CCDC71: variants seen among roughly 807,000 people sequenced by gnomAD.
CCDC71 encodes coiled-coil domain containing 71.
For missense variants in CCDC71, 594 were observed against 604.0 expected, an observed-to-expected ratio of 0.98 and a Z score of 0.17; for synonymous variants, 257 against 242.2, an observed-to-expected ratio of 1.06 and a Z score of -0.57.
Position 49,163,363 on chromosome 3 carries a change from C to T in CCDC71, c.846G>A (p.Gln282=). 1 of 1,614,028 alleles carries T rather than the reference C, an allele frequency of 6.2e-7. No homozygotes were observed. The change falls in exon 2 of 2, where the codon CAG becomes CAA. Residue 282 remains glutamine, a synonymous_variant. Coordinates refer to ENST00000321895, the MANE Select transcript of CCDC71 (RefSeq NM_022903.4). ...TGGCCAGTGTTCGAGCTACCTTGGCCTGGGCTGTTTTGGTGCCCAGGGCAG... is the reference window on the plus strand; with the variant it reads ...TGGCCAGTGTTCGAGCTACCTTGGCTTGGGCTGTTTTGGTGCCCAGGGCAG... The part of the protein sequence containing the change: ...GGSALGTKTA[Q]AKVARTLAKA...
rs747436938 is a variant in CCDC71, at chr3:49,162,744, T to C, written c.*61A>G. ...TGTGGAGTCCACGGACATAGCACAC[T>C]GTGCCACTAGCCACACAGACAGCTG... On this transcript the variant is annotated 3_prime_UTR_variant, in exon 2 of 2. Transcript: ENST00000321895. 3 of 1,529,838 alleles carry C rather than the reference T, an allele frequency of 2.0e-6. No homozygotes were observed. Among genetic ancestry groups the C allele is most frequent in the Non-Finnish European group, 2.7e-6 (3 of 1,129,922 alleles). 94.8% of individuals were successfully genotyped at this position (1,529,838 alleles called of 1,614,324 possible). A position where few individuals can be genotyped will look rare whatever the true frequency, so the allele number is the denominator to read the frequency against.
chr3:49,163,872 GACCTGCAGGCA>G lies in CCDC71; in HGVS notation c.326_336del (p.Leu109SerfsTer68). 1 of 1,614,178 alleles carries G rather than the reference GACCTGCAGGCA, an allele frequency of 6.2e-7. No homozygotes were observed. Among genetic ancestry groups the G allele is most frequent in the Non-Finnish European group, 8.5e-7 (1 of 1,180,032 alleles). ...AGCGGCATGGGAAGCAGTGTGGCCC[GACCTGCAGGCA>G]ACCGCATGGCAGTTCGGGGAGCACT... On this transcript the variant is annotated frameshift_variant, in exon 2 of 2. Coordinates refer to ENST00000321895, the MANE Select transcript of CCDC71 (RefSeq NM_022903.4). LOFTEE classifies it low-confidence loss of function (END_TRUNC).
chr3:49,163,078 C>T lies in CCDC71; in HGVS notation c.1131G>A (p.Lys377=). Residue 377 remains lysine, a synonymous_variant, in exon 2 of 2, where the codon AAG becomes AAA. Transcript: ENST00000321895. The stretch of plus-strand genomic sequence containing the variant: ...CAGTCTCAGGGCGGTTTTTCTGGCC[C>T]TTCCTTGTAGTTCTGGCCTTAGCAG... The part of the protein sequence containing the change: ...KGSAKARTTR[K]GQKNRPETVG... 1 of 1,614,264 alleles carries T rather than the reference C, an allele frequency of 6.2e-7. No homozygotes were observed. Among genetic ancestry groups the T allele is most frequent in the Non-Finnish European group, 8.5e-7 (1 of 1,180,046 alleles).
Position 49,162,795 on chromosome 3 carries a change from T to A in CCDC71, c.*10A>T. 2 of 1,609,778 alleles carry A rather than the reference T, an allele frequency of 1.2e-6. No individual in the cohort carries two copies. Among genetic ancestry groups the A allele is most frequent in the Non-Finnish European group, 1.7e-6 (2 of 1,177,030 alleles). On this transcript the variant is annotated 3_prime_UTR_variant, in exon 2 of 2. Coordinates refer to ENST00000321895, the MANE Select transcript of CCDC71 (RefSeq NM_022903.4). ...GGCTTAGTTTCCCCAAACATTGCCG[T>A]GTGAAGGAATCAGACTGCTGAATAT...
In CCDC71 at chr3:49,164,272, G is replaced by A; in HGVS notation, c.-52-12C>T. 1 of 1,497,160 alleles carries A rather than the reference G, an allele frequency of 6.7e-7. No individual in the cohort carries two copies. The highest frequency in any genetic ancestry group is 1.2e-5 in the South Asian group (1 of 82,052). 92.7% of individuals were successfully genotyped at this position (1,497,160 alleles called of 1,614,324 possible). On this transcript the variant is annotated splice_polypyrimidine_tract_variant and intron_variant, in intron 1 of 1. Coordinates refer to ENST00000321895, the MANE Select transcript of CCDC71 (RefSeq NM_022903.4). Reference sequence around the variant, plus strand: ...CCAGCGCTTGGCACCTCCAAGACAAGAGGAAAAGAGTCAATAAGAATGGCA... The same window carrying A: ...CCAGCGCTTGGCACCTCCAAGACAAAAGGAAAAGAGTCAATAAGAATGGCA...
rs2045708591 is a variant in CCDC71, at chr3:49,163,931, G to A, written c.278C>T (p.Pro93Leu). Residue 93 changes from proline to leucine, a missense_variant, in exon 2 of 2, where the codon CCA (proline) becomes CTA (leucine). Transcript: ENST00000321895. ...QTKLQARAPNPTATSPPASAP... is the reference protein window; with the variant it reads ...QTKLQARAPNLTATSPPASAP... Reference sequence around the variant, plus strand: ...ACTGGCTGGAGGTGATGTGGCAGTTGGGTTAGGGGCACGAGCTTGCAGTTT... The same window carrying A: ...ACTGGCTGGAGGTGATGTGGCAGTTAGGTTAGGGGCACGAGCTTGCAGTTT... The A allele has an allele frequency of 3.1e-6, 5 of 1,614,198 alleles. No individual in the cohort carries two copies. The highest frequency in any genetic ancestry group is 1.7e-5 in the Admixed American group (1 of 60,020).
intron 1 of CCDC71, 122 bp from the exon 2 acceptor site, chr3:49,164,382 C>CT: frequency 1.6e-6 from 1 of 644,012 alleles, no homozygotes; most frequent in Non-Finnish European, 2.7e-6. Flanking sequence ...GAGTGAGACA[C>CT]TTCCTGGTGT....
In CCDC71 at chr3:49,166,174, C is replaced by A. The variant is rs2045723508; in HGVS notation, c.-53+93G>T. On this transcript the variant is annotated intron_variant, in intron 1 of 1. Transcript: ENST00000321895. This position sits in a 1 kb window ranked among gnomAD's most constrained non-coding sequence, Gnocchi z 4.0. ...GTCTCGGCCAGGCCGGCGGAGGACG[C>A]GGGTCCGGGAAGAGTTGGCCGCTTG... The A allele has an allele frequency of 6.6e-6, 1 of 151,928 alleles. No homozygotes were observed. Among genetic ancestry groups the A allele is most frequent in the East Asian group, 1.9e-4 (1 of 5,164 alleles). The allele number at this position is 151,928 out of a possible 1,614,324, so 9.4% of individuals were successfully genotyped here.
rs1194092865 is a variant in CCDC71, at chr3:49,163,141, A to G, written c.1068T>C (p.Ala356=). The stretch of plus-strand genomic sequence containing the variant: ...TGCCTCTGCCCCTGGGCTGGGTCCG[A>G]GCCACCTTGGCCTTGGCCCGTACTG... ...AKAVRAKAKV[A]RTQPRGRGRP... is the part of the protein sequence containing the mutation. The change falls in exon 2 of 2, where the codon GCT becomes GCC. Residue 356 remains alanine, a synonymous_variant. Coordinates refer to ENST00000321895, the MANE Select transcript of CCDC71 (RefSeq NM_022903.4). The G allele has an allele frequency of 1.9e-6, 3 of 1,614,118 alleles. No individual in the cohort carries two copies. Among genetic ancestry groups the G allele is most frequent in the Non-Finnish European group, 2.5e-6 (3 of 1,180,008 alleles).
At position 49,162,731 on chromosome 3, in the gene CCDC71, G is replaced by C. The variant is rs999930610; in HGVS notation, c.*74C>G. 4.7e-5 allele frequency: 69 copies of C among 1,472,054 alleles called. No homozygotes were observed. The South Asian group carries it at 8.6e-4, about 18-fold the overall frequency. 91.2% of individuals were successfully genotyped at this position (1,472,054 alleles called of 1,614,324 possible). On this transcript the variant is annotated 3_prime_UTR_variant, in exon 2 of 2. Coordinates refer to ENST00000321895, the MANE Select transcript of CCDC71 (RefSeq NM_022903.4). ...GAGTCCTCAAGATTGTGGAGTCCAC[G>C]GACATAGCACACTGTGCCACTAGCC... is the stretch of plus-strand genomic sequence containing the variant.
intron 1 of CCDC71, among the ~76,000 whole-genome samples, chr3:49,165,875 C>G (rs959552033): frequency 1.3e-5 from 2 of 152,222 alleles, no homozygotes; most frequent in Admixed American, 6.5e-5. Flanking sequence ...GAAACAGAGG[C>G]TCCTGCCCGG....
In CCDC71 at chr3:49,166,083, A is replaced by G. The variant is rs1169571761; in HGVS notation, c.-53+184T>C. Among the ~76,000 whole-genome samples the G allele has an allele frequency of 6.9e-6, 1 of 144,290 alleles. No homozygotes were observed. The highest frequency in any genetic ancestry group is 2.6e-5 in the African/African-American group (1 of 39,164). The allele number at this position is 144,290 out of a possible 152,430, so 94.7% of individuals were successfully genotyped here. On this transcript the variant is annotated intron_variant, in intron 1 of 1. Coordinates refer to ENST00000321895, the MANE Select transcript of CCDC71 (RefSeq NM_022903.4). This position sits in a 1 kb window ranked among gnomAD's most constrained non-coding sequence, Gnocchi z 4.0. ...CGAAATGTACAGGGTGAACGGTGCT[A>G]GCCCTACCGGGACCGCACAGCCCCA...
At chr3:49,164,691 A>G (rs1301548090) in intron 1 of CCDC71, among the ~76,000 whole-genome samples, 1 of 152,244 alleles carries the variant, frequency 6.6e-6, no homozygotes, top group African/African-American at 2.4e-5. Context: ...CATTCAGCTC[A>G]GTTTGCCAAT....
At chr3:49,164,714 G>C (rs1373490765) in intron 1 of CCDC71, among the ~76,000 whole-genome samples, 1 of 152,214 alleles carries the variant, frequency 6.6e-6, no homozygotes, top group East Asian at 1.9e-4. Flanking sequence ...GTCAGGAAAG[G>C]ATTCCTGGGA....
In CCDC71 at chr3:49,164,096, C is replaced by T. The variant is rs980736676; in HGVS notation, c.113G>A (p.Ser38Asn). 1.9e-5 allele frequency: 31 copies of T among 1,613,944 alleles called. No homozygotes were observed. The Admixed American group carries it at 3.7e-4, about 19-fold the overall frequency. The change falls in exon 2 of 2, where the codon AGC becomes AAC. Residue 38 changes from serine to asparagine, a missense_variant. By Grantham distance (46) the Ser-to-Asn change is conservative (BLOSUM62 1). Transcript: ENST00000321895. ...EEALLVFNPM[S>N]QDLSATEAQL... ...GGCCTCTGTGGCACTGAGATCCTGGCTCATTGGGTTAAAGACAAGCAGTGC... is the reference window on the plus strand; with the variant it reads ...GGCCTCTGTGGCACTGAGATCCTGGTTCATTGGGTTAAAGACAAGCAGTGC...
Position 49,163,146 on chromosome 3 carries a change from C to A in CCDC71, c.1063G>T (p.Val355Leu). 6.2e-7 allele frequency: 1 copy of A among 1,613,058 alleles called. No individual in the cohort carries two copies. The highest frequency in any genetic ancestry group is 8.5e-7 in the Non-Finnish European group (1 of 1,179,054). Reference protein sequence around the residue: ...KAKAVRAKAKVARTQPRGRGR... With the variant: ...KAKAVRAKAKLARTQPRGRGR... ...CTGCCCCTGGGCTGGGTCCGAGCCA[C>A]CTTGGCCTTGGCCCGTACTGCCTTG... Residue 355 changes from valine (V) to leucine (L), a missense_variant, in exon 2 of 2, where the codon GTG (valine) becomes TTG (leucine). Coordinates refer to ENST00000321895, the MANE Select transcript of CCDC71 (RefSeq NM_022903.4).
In CCDC71 at chr3:49,162,738, G is replaced by A. The variant is rs1485613321; in HGVS notation, c.*67C>T. The stretch of plus-strand genomic sequence containing the variant: ...CAAGATTGTGGAGTCCACGGACATA[G>A]CACACTGTGCCACTAGCCACACAGA... On this transcript the variant is annotated 3_prime_UTR_variant, in exon 2 of 2. Transcript: ENST00000321895. The A allele has an allele frequency of 6.6e-7, 1 of 1,504,988 alleles. No homozygotes were observed. Among genetic ancestry groups the A allele is most frequent in the Non-Finnish European group, 9.0e-7 (1 of 1,112,674 alleles). The allele number at this position is 1,504,988 out of a possible 1,614,324, so 93.2% of individuals were successfully genotyped here.
At position 49,162,981 on chromosome 3, in the gene CCDC71, G is replaced by C. The variant is rs759734704; in HGVS notation, c.1228C>G (p.Arg410Gly). ...GGCCCTAGCCATGCCTTAGGAGATCGGGGCCCAAGCCGTGTTCTCTTCTTG... is the reference window on the plus strand; with the variant it reads ...GGCCCTAGCCATGCCTTAGGAGATCCGGGCCCAAGCCGTGTTCTCTTCTTG... ...PPKKRTRLGP[R>G]SPKAWLGPGT... The change falls in exon 2 of 2, where the codon CGA becomes GGA. Residue 410 changes from arginine (R) to glycine (G), a missense_variant. Arg to Gly is a moderately radical substitution (Grantham distance 125). Transcript: ENST00000321895. 6.2e-7 allele frequency: 1 copy of C among 1,614,264 alleles called. No individual in the cohort carries two copies. Among genetic ancestry groups the C allele is most frequent in the Non-Finnish European group, 8.5e-7 (1 of 1,180,050 alleles).
At position 49,166,133 on chromosome 3, in the gene CCDC71, G is replaced by T. The variant is rs1448465087; in HGVS notation, c.-53+134C>A. The T allele has an allele frequency of 9.3e-6, 1 of 107,354 alleles. No homozygotes were observed. Among genetic ancestry groups the T allele is most frequent in the Non-Finnish European group, 2.0e-5 (1 of 49,546 alleles). 6.7% of individuals were successfully genotyped at this position (107,354 alleles called of 1,614,324 possible). ...AGGGTGGGGTCGCTGGGCGCGGGGT[G>T]GGGGTGGGGTGGGGGGTCTCGGCCA... On this transcript the variant is annotated intron_variant, in intron 1 of 1. Coordinates refer to ENST00000321895, the MANE Select transcript of CCDC71 (RefSeq NM_022903.4). This position sits in a 1 kb window ranked among gnomAD's most constrained non-coding sequence, Gnocchi z 4.0.
Sources: allele counts gnomAD v4.1 joint callset (sites outside exome capture counted in the v4.1 genomes callset), GRCh38; gene constraint gnomAD v4.1.1; non-coding constraint Gnocchi (gnomAD v3.1); transcripts MANE v1.5; gene names NCBI Gene and HGNC (gene_info 2026-07-23, HGNC 2026-07-21).